The following MAP3K15 variants were observed in gnomAD, a reference collection of about 807,000 sequenced individuals.
MAP3K15 encodes the protein MAPK/ERK kinase kinase 15.
MAP3K15 carries 124 observed loss-of-function variants against 99.5 expected under a neutral mutation model. The observed-to-expected ratio is 1.25, with a 90% CI of 1.08 to 1.45. MAP3K15 has a LOEUF of 1.45. Ranked by LOEUF, MAP3K15 falls within the 40% of genes most tolerant of loss-of-function variation. MAP3K15 has a pLI of 0.00. For synonymous variants in MAP3K15, 494 were observed against 439.6 expected, an observed-to-expected ratio of 1.12 and a Z score of -1.55; for missense variants, 1,242 against 1,079.7, an observed-to-expected ratio of 1.15 and a Z score of -2.11.
chrX:19,426,233 A>C lies in MAP3K15; in HGVS notation c.1277T>G (p.Ile426Arg). The C allele has an allele frequency of 9.2e-7, 1 of 1,086,900 alleles. No homozygotes were observed. 89.6% of individuals were successfully genotyped at this position (1,086,900 alleles called of 1,213,427 possible). ...QFETSLELRK[I>R]GVRLNSLLGR... ...TCTGCAATAATAAGCAGCTTTACCT[A>C]TTTTCCTTAGTTCCAAGGAAGTTTC... is the stretch of plus-strand genomic sequence containing the variant. The change falls in exon 8 of 29, where the codon ATA (isoleucine) becomes AGA (arginine). Residue 426 changes from isoleucine (I) to arginine (R), a missense_variant and splice_region_variant. By Grantham distance (97) the Ile-to-Arg change is moderately conservative. Transcript: ENST00000338883.
At chrX:19,507,504 G>A (rs755840405) in intron 1 of MAP3K15, among the ~76,000 whole-genome samples, 2 of 99,699 alleles carry the variant, frequency 2.0e-5, no homozygotes, top group Non-Finnish European at 4.0e-5. Context: ...TTGAGCCCAG[G>A]GAGGTCAAGG....
chrX:19,403,246 T>A (rs900708827), intron 13 of MAP3K15, among the ~76,000 whole-genome samples: 1 of 110,824 alleles, frequency 9.0e-6, no homozygotes, highest in Non-Finnish European at 1.9e-5. Context: ...AATAAAAAAA[T>A]TATTAAAATG....
intron 6 of MAP3K15, among the ~76,000 whole-genome samples, chrX:19,444,577 G>A (rs1006638758): frequency 3.6e-5 from 4 of 111,588 alleles, no homozygotes; most frequent in African/African-American, 1.3e-4. Context: ...CAGTAGCCAG[G>A]CAACTATGGC....
chrX:19,364,585 T>C (rs977558479), intron 25 of MAP3K15, among the ~76,000 whole-genome samples: 1 of 111,481 alleles, frequency 9.0e-6, no homozygotes, highest in African/African-American at 3.3e-5. Flanking sequence ...TCCCTCCGCC[T>C]TTCTGTGTAA....
At chrX:19,470,059 C>A (rs1433627396) in intron 3 of MAP3K15, among the ~76,000 whole-genome samples, 2 of 111,559 alleles carry the variant, frequency 1.8e-5, no homozygotes, top group Non-Finnish European at 3.8e-5. Context: ...GGGTATATAC[C>A]TAAAGGATTA....
chrX:19,383,084 C>A (rs1296779623), intron 18 of MAP3K15, among the ~76,000 whole-genome samples: 1 of 111,214 alleles, frequency 9.0e-6, no homozygotes, highest in East Asian at 2.8e-4. Context: ...CAGAACCAGC[C>A]TCATCTTGCC....
chrX:19,501,011 G>T (rs1448043848), intron 1 of MAP3K15, among the ~76,000 whole-genome samples: 2 of 111,951 alleles, frequency 1.8e-5, no homozygotes, highest in Non-Finnish European at 3.8e-5. Flanking sequence ...CGTGAGGAAA[G>T]TTCCAGGCTC....
chrX:19,411,446 T>C (rs1483857713), intron 11 of MAP3K15, among the ~76,000 whole-genome samples: 1 of 112,610 alleles, frequency 8.9e-6, no homozygotes, highest in East Asian at 2.8e-4. Context: ...AAAGTACTAA[T>C]ACTGAAGACA....
At chrX:19,415,337 C>T in intron 9 of MAP3K15, 80 bp from the exon 10 acceptor site, 2 of 907,127 alleles carry the variant, frequency 2.2e-6, no homozygotes, top group Non-Finnish European at 1.5e-6. Context: ...AGAAGCTTTC[C>T]AAAAGCTTTT....
intron 9 of MAP3K15, among the ~76,000 whole-genome samples, chrX:19,423,351 C>T (rs1232282287): frequency 1.6e-4 from 14 of 89,919 alleles, no homozygotes; most frequent in African/African-American, 5.7e-4. Flanking sequence ...TTACTTCTGG[C>T]AATCACTAGT....
rs778419970 is a variant in MAP3K15 at position 19,413,339 on chromosome X, G to A, written c.1698+18C>T. On this transcript the variant is annotated intron_variant, in intron 11 of 28. Coordinates refer to ENST00000338883, the MANE Select transcript of MAP3K15 (RefSeq NM_001001671.4). Reference sequence around the variant, plus strand: ...TATTTGAAAACTGATTAAATTGCTTGTGATTTTTCCTCCTTACCATTTCTG... The same window carrying A: ...TATTTGAAAACTGATTAAATTGCTTATGATTTTTCCTCCTTACCATTTCTG... 9.6e-5 allele frequency: 110 copies of A among 1,140,068 alleles called. No individual in the cohort carries two copies. Among genetic ancestry groups the A allele is most frequent in the Non-Finnish European group, 1.2e-4 (103 of 837,815 alleles). The allele number at this position is 1,140,068 out of a possible 1,213,427, so 94.0% of individuals were successfully genotyped here. A position where few individuals can be genotyped will look rare whatever the true frequency, so the allele number is the denominator to read the frequency against.
intron 3 of MAP3K15, among the ~76,000 whole-genome samples, chrX:19,480,939 A>G (rs769726904): frequency 1.9e-5 from 2 of 108,049 alleles, no homozygotes; most frequent in South Asian, 8.2e-4. Context: ...ACATGGCAAA[A>G]CCCCATCTCT....
chrX:19,361,958 A>G (rs2063293046), intron 26 of MAP3K15, among the ~76,000 whole-genome samples: 2 of 112,143 alleles, frequency 1.8e-5, no homozygotes, highest in African/African-American at 6.5e-5. Context: ...TCTAGTCCAC[A>G]TTCCAAGAGG....
intron 9 of MAP3K15, among the ~76,000 whole-genome samples, chrX:19,423,138 G>GC (rs2063800414): frequency 9.1e-6 from 1 of 109,540 alleles, no homozygotes; most frequent in Non-Finnish European, 1.9e-5. Flanking sequence ...TAAGTAACCT[G>GC]CACGTTGTGC....
intron 17 of MAP3K15, 27 bp downstream of exon 17, chrX:19,392,316 A>G: frequency 8.4e-7 from 1 of 1,196,845 alleles, no homozygotes; most frequent in Non-Finnish European, 1.1e-6. Flanking sequence ...AGCAAAGGCA[A>G]CCTCGTCAGC....
chrX:19,485,864 C>G (rs977295908), intron 3 of MAP3K15, among the ~76,000 whole-genome samples: 1 of 111,330 alleles, frequency 9.0e-6, no homozygotes, highest in Non-Finnish European at 1.9e-5. Flanking sequence ...ACAGGATAAC[C>G]TTGGCAACAT....
intron 1 of MAP3K15, among the ~76,000 whole-genome samples, chrX:19,510,827 AAAC>A (rs2064512789): frequency 8.9e-6 from 1 of 112,462 alleles, no homozygotes; most frequent in Non-Finnish European, 1.9e-5. Flanking sequence ...TTAAGCTGAT[AAAC>A]AACTTCAGCA....
At chrX:19,434,530 G>T (rs928833916) in intron 6 of MAP3K15, among the ~76,000 whole-genome samples, 1 of 110,644 alleles carries the variant, frequency 9.0e-6, no homozygotes, top group Non-Finnish European at 1.9e-5. Context: ...GAGCCACTGC[G>T]CCCGGCCACA....
intron 3 of MAP3K15, among the ~76,000 whole-genome samples, chrX:19,481,256 G>A: frequency 9.2e-6 from 1 of 109,034 alleles, no homozygotes; most frequent in Non-Finnish European, 1.9e-5. Context: ...GTGGAAAGAT[G>A]ATTCAAAGAT....
Sources: gnomAD v4.1 joint callset for allele counts (sites outside exome capture counted in the v4.1 genomes callset) on GRCh38, gnomAD v4.1.1 for gene constraint, MANE v1.5 for transcripts, NCBI Gene and HGNC (gene_info 2026-07-23, HGNC 2026-07-21) for gene names.